GRIP1: variants seen among roughly 807,000 people sequenced by gnomAD.
GRIP1 encodes glutamate receptor interacting protein 1, also known as glutamate receptor-interacting protein 1.
In GRIP1, 45 loss-of-function variants were observed where a neutral mutation model predicts 129.9. That is an observed-to-expected ratio of 0.35 (90% CI 0.27 to 0.44). The LOEUF (loss-of-function observed/expected upper bound fraction) is 0.44. Among genes scored for constraint, GRIP1 ranks in the 20% least tolerant of loss-of-function variants. The pLI is 1.00. For missense variants in GRIP1, 1,196 were observed against 1,396.8 expected, an observed-to-expected ratio of 0.86 and a Z score of 2.29; for synonymous variants, 530 against 520.8, an observed-to-expected ratio of 1.02 and a Z score of -0.24.
At chr12:66,831,876 C>T (rs375869768) in intron 1 of GRIP1, among the ~76,000 whole-genome samples, 43 of 152,124 alleles carry the variant, frequency 2.8e-4, no homozygotes, top group African/African-American at 1.0e-3. Flanking sequence ...TTGAGTTACA[C>T]ATGTAAAGTG....
chr12:66,699,240 T>G (rs1370278567), intron 1 of GRIP1, among the ~76,000 whole-genome samples: 1 of 152,208 alleles, frequency 6.6e-6, no homozygotes, highest in African/African-American at 2.4e-5. Flanking sequence ...AAAAATGCAG[T>G]AAGTTAGTAC....
intron 1 of GRIP1, among the ~76,000 whole-genome samples, chr12:66,891,091 T>C (rs1034949558): frequency 6.6e-6 from 1 of 152,240 alleles, no homozygotes; most frequent in Non-Finnish European, 1.5e-5. Flanking sequence ...TATACTTCAA[T>C]AAGGAATTTG....
intron 2 of GRIP1, among the ~76,000 whole-genome samples, chr12:66,594,939 C>G (rs981660329): frequency 1.3e-5 from 2 of 152,202 alleles, no homozygotes; most frequent in South Asian, 4.1e-4. Flanking sequence ...ATTAGTCAGT[C>G]AGGAGGCAAT....
chr12:66,746,574 C>T (rs2036953160), intron 1 of GRIP1, among the ~76,000 whole-genome samples: 1 of 152,182 alleles, frequency 6.6e-6, no homozygotes. Flanking sequence ...ACATGTCTTT[C>T]TCCACCTTTG....
At chr12:66,781,459 T>C (rs1165983455) in intron 1 of GRIP1, among the ~76,000 whole-genome samples, 1 of 152,022 alleles carries the variant, frequency 6.6e-6, no homozygotes, top group African/African-American at 2.4e-5. Context: ...CTAGAAAAAA[T>C]CATCAAAACA....
At chr12:66,564,954 A>C (rs1304349111) in intron 2 of GRIP1, among the ~76,000 whole-genome samples, 1 of 151,972 alleles carries the variant, frequency 6.6e-6, no homozygotes, top group Admixed American at 6.6e-5. Context: ...CACACCCTTC[A>C]CCCACTTTTT....
At chr12:66,760,911 T>C (rs1316986559) in intron 1 of GRIP1, among the ~76,000 whole-genome samples, 1 of 151,864 alleles carries the variant, frequency 6.6e-6, no homozygotes, top group African/African-American at 2.4e-5. Flanking sequence ...AATGACCCAG[T>C]GTGTCAGATA....
intron 1 of GRIP1, among the ~76,000 whole-genome samples, chr12:66,887,246 A>G (rs1337917676): frequency 6.6e-6 from 1 of 152,260 alleles, no homozygotes; most frequent in African/African-American, 2.4e-5. Context: ...GTATTAGGAA[A>G]TAAGAAAGAC....
intron 14 of GRIP1, among the ~76,000 whole-genome samples, chr12:66,424,110 A>C (rs1315543793): frequency 6.6e-6 from 1 of 152,190 alleles, no homozygotes; most frequent in Non-Finnish European, 1.5e-5. Flanking sequence ...AGTCATTTAC[A>C]AGCTTGTTCA....
chr12:66,776,709 T>C (rs1182226518), intron 1 of GRIP1, among the ~76,000 whole-genome samples: 1 of 151,934 alleles, frequency 6.6e-6, no homozygotes, highest in Non-Finnish European at 1.5e-5. Context: ...ACATTATTTA[T>C]AATTTAGAGT....
chr12:66,526,317 G>C (rs1026928987), intron 5 of GRIP1, among the ~76,000 whole-genome samples: 2 of 152,090 alleles, frequency 1.3e-5, no homozygotes, highest in Admixed American at 1.3e-4. Flanking sequence ...CATGGTACTG[G>C]TACAAAAACA....
intron 3 of GRIP1, among the ~76,000 whole-genome samples, chr12:66,541,024 A>C (rs1394408189): frequency 6.6e-6 from 1 of 151,546 alleles, no homozygotes; most frequent in Non-Finnish European, 1.5e-5. Context: ...CATGTTGGTC[A>C]AGCTGGTCTC....
At chr12:66,831,149 C>T (rs2039510090) in intron 1 of GRIP1, among the ~76,000 whole-genome samples, 1 of 152,082 alleles carries the variant, frequency 6.6e-6, no homozygotes, top group African/African-American at 2.4e-5. Context: ...CTACGGCACA[C>T]AGCTTCCTCA....
chr12:66,982,527 G>A (rs1291423655), intron 1 of GRIP1, among the ~76,000 whole-genome samples: 1 of 152,152 alleles, frequency 6.6e-6, no homozygotes, highest in Non-Finnish European at 1.5e-5. Context: ...CTCAGTGGGA[G>A]GGAAATCATC....
intron 1 of GRIP1, among the ~76,000 whole-genome samples, chr12:66,829,873 C>G (rs2039486389): frequency 6.6e-6 from 1 of 152,108 alleles, no homozygotes; most frequent in Non-Finnish European, 1.5e-5. Flanking sequence ...ACAGTCTCAT[C>G]ATAACATTGT....
chr12:67,049,970 C>CTTTTTTTTTTTT, intron 1 of GRIP1, among the ~76,000 whole-genome samples: 1 of 126,616 alleles, frequency 7.9e-6, no homozygotes, highest in South Asian at 2.6e-4. Context: ...ATTTGAATTT[C>CTTTTTTTTTTTT]TTTTTTTTTT....
intron 1 of GRIP1, among the ~76,000 whole-genome samples, chr12:66,811,185 A>AT (rs1297732109): frequency 2.0e-5 from 3 of 152,176 alleles, no homozygotes; most frequent in Non-Finnish European, 1.5e-5. Context: ...GTTTTCAAAG[A>AT]TTTTTTTCTA....
intron 1 of GRIP1, among the ~76,000 whole-genome samples, chr12:66,997,343 T>C (rs1191798662): frequency 1.3e-5 from 2 of 151,112 alleles, no homozygotes; most frequent in African/African-American, 2.4e-5. Flanking sequence ...ACTTGGAAGG[T>C]TGAGGTGAGA....
At position 66,625,001 on chromosome 12, in the gene GRIP1, CT is replaced by C. The variant is rs11375282; in HGVS notation, c.56-28075del. Among the ~76,000 whole-genome samples the C allele has an allele frequency of 9.2e-3, 1,337 of 145,224 alleles. 16 individuals carry two copies. The highest frequency in any genetic ancestry group is 0.029 in the African/African-American group (1,172 of 39,820). On this transcript the variant is annotated intron_variant, in intron 1 of 24. Transcript: ENST00000359742. ...ACTTTTAGATCATGTATTTCAGTTC[CT>C]TTTTTTTTTTTTAAATAGGTTTGGT...
Sources: allele counts gnomAD v4.1 joint callset (sites outside exome capture counted in the v4.1 genomes callset), GRCh38; gene constraint gnomAD v4.1.1; transcripts MANE v1.5; gene names NCBI Gene and HGNC (gene_info 2026-07-23, HGNC 2026-07-21).